Variants in PREX1 observed in about 807,000 individuals in gnomAD.
PREX1 encodes phosphatidylinositol 3,4,5-trisphosphate-dependent Rac exchanger 1 protein.
A neutral mutation model predicts 198.3 loss-of-function variants in PREX1; 41 were observed. That is an observed-to-expected ratio of 0.21 (90% CI 0.16 to 0.27). The LOEUF (loss-of-function observed/expected upper bound fraction) is 0.27, where lower values mean the gene tolerates loss of function less well. PREX1 is among the 10% of genes least tolerant of loss of function. The pLI, the probability that PREX1 is intolerant of heterozygous loss-of-function variation, is 1.00. For synonymous variants in PREX1, 843 were observed against 887.2 expected (o/e 0.95, Z 0.89); for missense variants, 1,620 against 2,200.7 (o/e 0.74, Z 5.28).
chr20:48,680,221 GC>G (rs907187248), intron 11 of PREX1, among the ~76,000 whole-genome samples: 12 of 152,248 alleles, frequency 7.9e-5, no homozygotes, highest in African/African-American at 2.9e-4. Context: ...CATTAGCAAT[GC>G]CTATAAGGCC....
At chr20:48,738,610 G>T (rs193002407) in intron 3 of PREX1, among the ~76,000 whole-genome samples, 129 of 152,288 alleles carry the variant, frequency 8.5e-4, no homozygotes, top group African/African-American at 3.0e-3. Flanking sequence ...TGATTGCTTT[G>T]CCAGGAAGAA....
intron 5 of PREX1, among the ~76,000 whole-genome samples, chr20:48,717,326 C>A (rs918136213): frequency 3.3e-5 from 5 of 152,084 alleles, no homozygotes; most frequent in Non-Finnish European, 7.4e-5. Context: ...AGGGGCTGAT[C>A]CTGCACTCAG....
At chr20:48,815,379 C>G (rs1368793823) in intron 1 of PREX1, among the ~76,000 whole-genome samples, 1 of 152,194 alleles carries the variant, frequency 6.6e-6, no homozygotes, top group African/African-American at 2.4e-5. Context: ...AGACTATCTG[C>G]TGGGTCATAA....
intron 6 of PREX1, among the ~76,000 whole-genome samples, chr20:48,701,870 G>A (rs2089876740): frequency 6.6e-6 from 1 of 152,246 alleles, no homozygotes; most frequent in Middle Eastern, 3.4e-3. Flanking sequence ...CGGGCAGCGT[G>A]GCTGGGAAAG....
intron 1 of PREX1, among the ~76,000 whole-genome samples, chr20:48,764,397 ACT>A (rs978933092): frequency 4.0e-4 from 61 of 152,170 alleles, no homozygotes; most frequent in African/African-American, 1.4e-3. Context: ...GGCAAAAGGG[ACT>A]CTGCAGATGT....
chr20:48,693,389 A>G (rs1374458555), intron 7 of PREX1, among the ~76,000 whole-genome samples: 10 of 139,030 alleles, frequency 7.2e-5, no homozygotes, highest in African/African-American at 1.9e-4. Flanking sequence ...AGTCAGGGGG[A>G]AAAGGACCTC....
At chr20:48,834,745 GATGGGGATCCCACT>G in the PREX1 span, among the ~76,000 whole-genome samples, 1 of 152,064 alleles carries the variant, frequency 6.6e-6, no homozygotes, top group East Asian at 1.9e-4. Flanking sequence ...TTTTTGTAGA[GATGGGGATCCCACT>G]ATGTTGCCCA....
At chr20:48,843,934 C>T in the PREX1 span, among the ~76,000 whole-genome samples, 94 of 152,068 alleles carry the variant, frequency 6.2e-4, 1 homozygote, top group Non-Finnish European at 9.4e-4. Context: ...TGCTTGAGGC[C>T]AGGAGTTCAA....
At chr20:48,790,443 G>A (rs1261819906) in intron 1 of PREX1, among the ~76,000 whole-genome samples, 8 of 152,048 alleles carry the variant, frequency 5.3e-5, no homozygotes, top group Admixed American at 2.6e-4. Flanking sequence ...AAAAAGGAGG[G>A]TGGAGGGCTG....
intron 1 of PREX1, among the ~76,000 whole-genome samples, chr20:48,798,239 T>A (rs2090371621): frequency 6.6e-6 from 1 of 151,758 alleles, no homozygotes; most frequent in Admixed American, 6.6e-5. Flanking sequence ...TCACCCACAT[T>A]CCTCCACTAC....
chr20:48,630,314 A>C (rs1030845359), intron 36 of PREX1, among the ~76,000 whole-genome samples: 4 of 152,258 alleles, frequency 2.6e-5, no homozygotes, highest in African/African-American at 7.2e-5. Context: ...CATGGTCCCC[A>C]ACAGCCAGAT....
At position 48,625,596 on chromosome 20, in the gene PREX1, C is replaced by A; in HGVS notation, c.*289G>T. 1 of 381,588 alleles carries A rather than the reference C, an allele frequency of 2.6e-6. No individual in the cohort carries two copies. The highest frequency in any genetic ancestry group is 5.6e-5 in the South Asian group (1 of 17,936). 23.6% of individuals were successfully genotyped at this position (381,588 alleles called of 1,614,324 possible). A position where few individuals can be genotyped will look rare whatever the true frequency, so the allele number is the denominator to read the frequency against. On this transcript the variant is annotated 3_prime_UTR_variant, in exon 40 of 40. Coordinates refer to ENST00000371941, the MANE Select transcript of PREX1 (RefSeq NM_020820.4). Reference sequence around the variant, plus strand: ...CCTTGGGTTCTGGGGACGCAGGAGCCGAAGGCCAGGCACCAGCTGCTCCCA... The same window carrying A: ...CCTTGGGTTCTGGGGACGCAGGAGCAGAAGGCCAGGCACCAGCTGCTCCCA...
chr20:48,644,493 A>C lies in PREX1; in HGVS notation c.3517T>G (p.Cys1173Gly). Residue 1173 changes from cysteine to glycine, a missense_variant, in exon 27 of 40, where the codon TGT becomes GGT. Cys to Gly is a radical substitution (Grantham distance 159, BLOSUM62 -3). This residue lies in a region of PREX1 where 29 missense variants were observed against 26.1 expected (regional missense o/e 1.11). Transcript: ENST00000371941. ...AGGACCGAGTCTCGATTGCTGTTAC[A>C]CTCGCTGCAAAGGGGCCCAGAGAAG... ...TMSYRDSYSECNSNRDSVLSY... is the reference protein window; with the variant it reads ...TMSYRDSYSEGNSNRDSVLSY... The C allele has an allele frequency of 6.2e-7, 1 of 1,613,070 alleles. No individual in the cohort carries two copies. Among genetic ancestry groups the C allele is most frequent in the Non-Finnish European group, 8.5e-7 (1 of 1,179,502 alleles).
chr20:48,835,010 C>T, the PREX1 span, among the ~76,000 whole-genome samples: 5 of 152,338 alleles, frequency 3.3e-5, no homozygotes, highest in Admixed American at 3.3e-4. Context: ...CAGCCTCAGC[C>T]TCCCAAAGTG....
At chr20:48,659,201 G>C (rs1379022390) in intron 16 of PREX1, among the ~76,000 whole-genome samples, 1 of 116,854 alleles carries the variant, frequency 8.6e-6, no homozygotes, top group African/African-American at 3.1e-5. Context: ...GGAGGGGAGG[G>C]GAGGGAAGAA....
At chr20:48,726,079 A>C (rs565461708) in intron 5 of PREX1, among the ~76,000 whole-genome samples, 1 of 152,206 alleles carries the variant, frequency 6.6e-6, no homozygotes, top group Non-Finnish European at 1.5e-5. Flanking sequence ...TGAGGCCAGG[A>C]GAACCACAGC....
rs140940753 is a variant in PREX1, at chr20:48,801,632, G to A, written c.219+26010C>T. ...CACCACCCTGGGCCAGGACACCCAC[G>A]TCTCTCCCCGGGGCTGTTGCAGTCA... On this transcript the variant is annotated intron_variant, in intron 1 of 39. Transcript: ENST00000371941. 9.9e-5 allele frequency among the ~76,000 whole-genome samples: 15 copies of A among 152,250 alleles called. No individual in the cohort carries two copies. The East Asian group carries it at 2.1e-3, about 22-fold the overall frequency.
chr20:48,830,801 A>ACTT (rs2090535643), upstream of PREX1, among the ~76,000 whole-genome samples: 1 of 152,216 alleles, frequency 6.6e-6, no homozygotes, highest in South Asian at 2.1e-4. Context: ...ATCAGTACCT[A>ACTT]CATCATAAAG....
rs1425415058 is a variant in PREX1 at position 48,747,571 on chromosome 20, GA to G, written c.291+237del. Among the ~76,000 whole-genome samples the G allele has an allele frequency of 3.9e-5, 6 of 152,348 alleles. No individual in the cohort carries two copies. In the East Asian group the frequency reaches 1.2e-3, roughly 29 times the overall value. On this transcript the variant is annotated intron_variant, in intron 2 of 39. Coordinates refer to ENST00000371941, the MANE Select transcript of PREX1 (RefSeq NM_020820.4). ...AGCACAGAGGGAAAGTCTCGGGTTG[GA>G]AAGTGGGGCCCGGGGCTAAAAATTC... is the stretch of plus-strand genomic sequence containing the variant.
Sources: gnomAD v4.1 joint callset for allele counts (sites outside exome capture counted in the v4.1 genomes callset) on GRCh38, gnomAD v4.1.1 for gene constraint, gnomAD v4.1.1 regional missense constraint, MANE v1.5 for transcripts, NCBI Gene and HGNC (gene_info 2026-07-23, HGNC 2026-07-21) for gene names.